Variants in C9orf153 observed in about 807,000 individuals in gnomAD.
The protein encoded by C9orf153 is chromosome 9 open reading frame 153, also known as uncharacterized protein C9orf153.
A neutral mutation model predicts 9.0 loss-of-function variants in C9orf153; 10 were observed. The ratio of observed to expected loss-of-function variants is 1.11; its 90% CI spans 0.69 to 1.89. C9orf153 has a LOEUF of 1.89. C9orf153 is among the 40% of genes most tolerant of loss of function. The probability of loss-of-function intolerance (pLI) is 0.00; values close to 1 mark genes in which losing one functional copy is unlikely to be tolerated. For synonymous variants in C9orf153, 35 were observed against 37.3 expected, an observed-to-expected ratio of 0.94 and a Z score of 0.23; for missense variants, 108 against 111.0, an observed-to-expected ratio of 0.97 and a Z score of 0.12.
At chr9:86,253,235 A>C (rs1169873953) in intron 1 of C9orf153, among the ~76,000 whole-genome samples, 1 of 152,228 alleles carries the variant, frequency 6.6e-6, no homozygotes, top group African/African-American at 2.4e-5. Flanking sequence ...GGATATGAGC[A>C]GACTGCTTTG....
chr9:86,248,619 T>C (rs1245476246), intron 1 of C9orf153, among the ~76,000 whole-genome samples: 2 of 152,092 alleles, frequency 1.3e-5, no homozygotes, highest in African/African-American at 4.8e-5. Flanking sequence ...CAACTCCTTG[T>C]TTGTCTGTGG....
chr9:86,249,683 G>C (rs532834227), intron 1 of C9orf153, among the ~76,000 whole-genome samples: 1 of 152,128 alleles, frequency 6.6e-6, no homozygotes, highest in South Asian at 2.1e-4. Flanking sequence ...TGAGTAGCTG[G>C]GATTACAAGT....
At chr9:86,250,911 C>A (rs1243980747) in intron 1 of C9orf153, among the ~76,000 whole-genome samples, 2 of 152,140 alleles carry the variant, frequency 1.3e-5, no homozygotes, top group African/African-American at 4.8e-5. Context: ...AAGACAGAGT[C>A]TTGCTATTTT....
chr9:86,258,039 C>A (rs1825161817), intron 1 of C9orf153, among the ~76,000 whole-genome samples: 2 of 152,094 alleles, frequency 1.3e-5, no homozygotes, highest in Admixed American at 1.3e-4. Flanking sequence ...TTAAGGACAA[C>A]CTTTATTACT....
intron 1 of C9orf153, among the ~76,000 whole-genome samples, chr9:86,238,933 G>T (rs1824663421): frequency 6.6e-6 from 1 of 150,412 alleles, no homozygotes; most frequent in Non-Finnish European, 1.5e-5. Context: ...ATTATGAGAA[G>T]GTATCTGTAA....
intron 1 of C9orf153, among the ~76,000 whole-genome samples, chr9:86,237,816 T>C (rs1367127354): frequency 6.6e-6 from 1 of 152,138 alleles, no homozygotes; most frequent in African/African-American, 2.4e-5. Context: ...TGGTGGCTCA[T>C]GCCTGTAATC....
intron 1 of C9orf153, among the ~76,000 whole-genome samples, chr9:86,245,464 G>A (rs1012012403): frequency 2.6e-5 from 4 of 152,096 alleles, no homozygotes; most frequent in African/African-American, 7.2e-5. Flanking sequence ...GTCTCTGAGC[G>A]TGACTACTCT....
intron 1 of C9orf153, among the ~76,000 whole-genome samples, chr9:86,246,911 A>G (rs1824878220): frequency 6.6e-6 from 1 of 152,234 alleles, no homozygotes; most frequent in African/African-American, 2.4e-5. Flanking sequence ...GTAGCAAGCC[A>G]TGGATGAAAG....
At chr9:86,241,036 C>A (rs551911973) in intron 1 of C9orf153, among the ~76,000 whole-genome samples, 1 of 151,900 alleles carries the variant, frequency 6.6e-6, no homozygotes, top group East Asian at 1.9e-4. Flanking sequence ...GCCCCTACCC[C>A]CTCTCCCCTG....
At position 86,221,405 on chromosome 9, in the gene C9orf153, T is replaced by A. The variant is rs1824200213; in HGVS notation, c.*283A>T. 1 of 469,122 alleles carries A rather than the reference T, an allele frequency of 2.1e-6. No individual in the cohort carries two copies. The highest frequency in any genetic ancestry group is 4.5e-5 in the Admixed American group (1 of 22,334). The allele number at this position is 469,122 out of a possible 1,614,324, so 29.1% of individuals were successfully genotyped here. A position where few individuals can be genotyped will look rare whatever the true frequency, so the allele number is the denominator to read the frequency against. On this transcript the variant is annotated 3_prime_UTR_variant, in exon 4 of 4. Coordinates refer to ENST00000339137, the MANE Select transcript of C9orf153 (RefSeq NM_001276366.4). ...GTGTGTTGTACACACTCACTTCAGA[T>A]GTTCTATTGGGTACTTGGCTTCTTT... is the stretch of plus-strand genomic sequence containing the variant.
chr9:86,248,420 C>T lies in C9orf153; in HGVS notation c.-27+11130G>A, dbSNP rs551325247. ...AAGTGCTGGGATTACAGGCGTGAGC[C>T]ACCGTGCCCAGCCTGTTTTTTCTAC... On this transcript the variant is annotated intron_variant, in intron 1 of 3. Transcript: ENST00000339137. Among the ~76,000 whole-genome samples the T allele has an allele frequency of 8.5e-5, 13 of 152,294 alleles. No homozygotes were observed. The South Asian group carries it at 2.7e-3, about 32-fold the overall frequency.
chr9:86,241,553 C>T (rs139078330), intron 1 of C9orf153, among the ~76,000 whole-genome samples: 2 of 152,182 alleles, frequency 1.3e-5, no homozygotes, highest in African/African-American at 2.4e-5. Context: ...GAGACTTGGG[C>T]GATTCTCATG....
chr9:86,259,318 G>A (rs192346295), intron 1 of C9orf153, among the ~76,000 whole-genome samples: 4 of 152,198 alleles, frequency 2.6e-5, no homozygotes, highest in Admixed American at 2.6e-4. Context: ...TGCAGGCTCG[G>A]CCCGATCAAC....
At position 86,246,898 on chromosome 9, in the gene C9orf153, G is replaced by A. The variant is rs79818119; in HGVS notation, c.-27+12652C>T. Among the ~76,000 whole-genome samples, 316 of 152,286 alleles carry A rather than the reference G, an allele frequency of 2.1e-3. 1 individual carries two copies. Among genetic ancestry groups the A allele is most frequent in the Non-Finnish European group, 3.2e-3 (219 of 68,022 alleles). On this transcript the variant is annotated intron_variant, in intron 1 of 3. Transcript: ENST00000339137. Reference sequence around the variant, plus strand: ...CATGACAGTATTTACTTTTGAAAACGGAGTAGCAAGCCATGGATGAAAGGG... The same window carrying A: ...CATGACAGTATTTACTTTTGAAAACAGAGTAGCAAGCCATGGATGAAAGGG...
intron 3 of C9orf153, among the ~76,000 whole-genome samples, chr9:86,223,145 G>A (rs1327313095): frequency 1.3e-5 from 2 of 152,152 alleles, no homozygotes; most frequent in Non-Finnish European, 2.9e-5. Flanking sequence ...AGAAGTGGTG[G>A]CAAAAGGAAG....
chr9:86,245,184 C>T (rs960497358), intron 1 of C9orf153, among the ~76,000 whole-genome samples: 1 of 152,194 alleles, frequency 6.6e-6, no homozygotes, highest in Admixed American at 6.5e-5. Flanking sequence ...ACCTCGGCCT[C>T]CCAAAGTGCT....
chr9:86,255,323 G>A (rs1290395039), intron 1 of C9orf153, among the ~76,000 whole-genome samples: 1 of 152,082 alleles, frequency 6.6e-6, no homozygotes, highest in African/African-American at 2.4e-5. Flanking sequence ...ACATTTTGAG[G>A]TGTCTGTTCA....
intron 1 of C9orf153, among the ~76,000 whole-genome samples, chr9:86,242,294 G>A (rs1824762967): frequency 6.6e-6 from 1 of 152,128 alleles, no homozygotes; most frequent in South Asian, 2.1e-4. Flanking sequence ...CCTTCTTAGA[G>A]CCTTGCAGAG....
intron 1 of C9orf153, among the ~76,000 whole-genome samples, chr9:86,257,442 A>G (rs1825144598): frequency 6.6e-6 from 1 of 152,174 alleles, no homozygotes; most frequent in Non-Finnish European, 1.5e-5. Flanking sequence ...TGGAGGCTCC[A>G]TCAAGCCAAA....
Sources: allele counts gnomAD v4.1 joint callset (sites outside exome capture counted in the v4.1 genomes callset), GRCh38; gene constraint gnomAD v4.1.1; transcripts MANE v1.5; gene names NCBI Gene and HGNC (gene_info 2026-07-23, HGNC 2026-07-21).